KIAA0930: variants seen among roughly 807,000 people sequenced by gnomAD.
KIAA0930 encodes uncharacterized protein KIAA0930.
KIAA0930 carries 24 observed loss-of-function variants against 43.9 expected under a neutral mutation model. That is an observed-to-expected ratio of 0.55 (90% CI 0.40 to 0.77). KIAA0930 has a LOEUF of 0.77. Among genes scored for constraint, KIAA0930 ranks in the 30% least tolerant of loss-of-function variants. The probability of loss-of-function intolerance (pLI) is 0.00; values close to 1 mark genes in which losing one functional copy is unlikely to be tolerated. For synonymous variants in KIAA0930, 259 were observed against 216.4 expected (o/e 1.20, Z -1.73); for missense variants, 461 against 574.2 (o/e 0.80, Z 2.02).
chr22:45,212,464 C>T (rs985981948), intron 1 of KIAA0930: 90 of 1,452,760 alleles, frequency 6.2e-5, no homozygotes, highest in Middle Eastern at 5.0e-4. Flanking sequence ...GGCTGGAAGC[C>T]GGGAAGGCTT....
chr22:45,210,879 A>G (rs1027232081), intron 2 of KIAA0930, among the ~76,000 whole-genome samples: 1 of 111,136 alleles, frequency 9.0e-6, no homozygotes, highest in African/African-American at 3.6e-5. Flanking sequence ...ACCGAATCCA[A>G]TGGGCCCTTC....
At chr22:45,234,662 G>A (rs192178571) in intron 1 of KIAA0930, among the ~76,000 whole-genome samples, 27 of 152,314 alleles carry the variant, frequency 1.8e-4, no homozygotes, top group Admixed American at 2.6e-4. Flanking sequence ...ACCTTTGCAC[G>A]TATAAAAAGC....
chr22:45,205,187 CT>C, intron 5 of KIAA0930, 29 bp downstream of exon 5: 1 of 1,553,448 alleles, frequency 6.4e-7, no homozygotes, highest in Non-Finnish European at 8.9e-7. Flanking sequence ...GAAGGGGAAG[CT>C]AAGGAGAGAG....
intron 2 of KIAA0930, among the ~76,000 whole-genome samples, chr22:45,206,677 C>G (rs2083640898): frequency 6.6e-6 from 1 of 150,574 alleles, no homozygotes. Context: ...CATGTCTACA[C>G]CTCTCCTGGG....
chr22:45,224,575 C>T (rs1045392940), intron 1 of KIAA0930, among the ~76,000 whole-genome samples: 8 of 152,190 alleles, frequency 5.3e-5, no homozygotes, highest in East Asian at 1.9e-4. Context: ...TGGTCTCATG[C>T]GGTCCCTGCT....
At chr22:45,198,061 C>T (rs2083553551) in intron 8 of KIAA0930, 113 bp from the exon 9 acceptor site, 3 of 1,020,086 alleles carry the variant, frequency 2.9e-6, no homozygotes, top group East Asian at 4.9e-5. Context: ...CCAGGACGCT[C>T]CTTACCAACA....
At chr22:45,203,350 C>G (rs1229555148) in intron 6 of KIAA0930, among the ~76,000 whole-genome samples, 166 bp from the exon 7 acceptor site, 3 of 152,184 alleles carry the variant, frequency 2.0e-5, no homozygotes, top group East Asian at 3.9e-4. Flanking sequence ...ACCCACATCT[C>G]TGCCTGGTGC....
intron 1 of KIAA0930, among the ~76,000 whole-genome samples, chr22:45,239,303 C>A (rs1415583885): frequency 6.6e-6 from 1 of 152,220 alleles, no homozygotes; most frequent in Non-Finnish European, 1.5e-5. Flanking sequence ...AGTAGGTGCT[C>A]AATGAATGTT....
intron 1 of KIAA0930, among the ~76,000 whole-genome samples, chr22:45,222,550 C>A (rs2083773497): frequency 6.6e-6 from 1 of 152,116 alleles, no homozygotes; most frequent in African/African-American, 2.4e-5. Context: ...CTCAAGCAAT[C>A]CGCTTGCCTT....
intron 1 of KIAA0930, among the ~76,000 whole-genome samples, chr22:45,234,019 G>C (rs957331654): frequency 2.0e-5 from 3 of 152,242 alleles, no homozygotes; most frequent in South Asian, 2.1e-4. Flanking sequence ...CTTAGCGGGA[G>C]AGCCTGGACT....
At chr22:45,228,799 C>T (rs1173367696) in intron 1 of KIAA0930, among the ~76,000 whole-genome samples, 1 of 95,182 alleles carries the variant, frequency 1.1e-5, no homozygotes. Context: ...AAACACTCAC[C>T]TGAGAGATCC....
chr22:45,212,713 G>T (rs998967833), intron 1 of KIAA0930, among the ~76,000 whole-genome samples: 2 of 152,250 alleles, frequency 1.3e-5, no homozygotes, highest in African/African-American at 4.8e-5. Context: ...ATTACAAATG[G>T]TATTTCTTTA....
chr22:45,207,366 G>A (rs775415522), intron 2 of KIAA0930, among the ~76,000 whole-genome samples: 3 of 146,134 alleles, frequency 2.1e-5, no homozygotes, highest in Admixed American at 6.9e-5. Context: ...TTTGTCACCC[G>A]GGCTGGAGTA....
At position 45,197,081 on chromosome 22, in the gene KIAA0930, G is replaced by A. The variant is rs1267107641; in HGVS notation, c.*95C>T. On this transcript the variant is annotated 3_prime_UTR_variant, in exon 10 of 10. Coordinates refer to ENST00000336156, the MANE Select transcript of KIAA0930 (RefSeq NM_001009880.2). ...CTGGCTGCGGCTCCAGCACTGGCGT[G>A]CCATCGCAGACCCCGGTGGCGGTGG... 3 of 1,081,550 alleles carry A rather than the reference G, an allele frequency of 2.8e-6. No individual in the cohort carries two copies. The highest frequency in any genetic ancestry group is 3.9e-6 in the Non-Finnish European group (3 of 777,644). The allele number at this position is 1,081,550 out of a possible 1,614,324, so 67.0% of individuals were successfully genotyped here. A position where few individuals can be genotyped will look rare whatever the true frequency, so the allele number is the denominator to read the frequency against.
At chr22:45,225,457 C>T (rs976297597) in intron 1 of KIAA0930, among the ~76,000 whole-genome samples, 1 of 152,202 alleles carries the variant, frequency 6.6e-6, no homozygotes, top group Non-Finnish European at 1.5e-5. Flanking sequence ...GAAGTCCAGG[C>T]TCCCTTACCA....
At position 45,194,791 on chromosome 22, in the gene KIAA0930, G is replaced by A. The variant is rs41278907; in HGVS notation, c.*2385C>T. On this transcript the variant is annotated 3_prime_UTR_variant, in exon 10 of 10. Transcript: ENST00000336156. ...GGGCCTGAGAAAGGCAGACTCCACC[G>A]AGTGTCTGTCCATCTGTCCGGACAG... 8 of 152,226 alleles carry A rather than the reference G, an allele frequency of 5.3e-5. No homozygotes were observed. Among genetic ancestry groups the A allele is most frequent in the African/African-American group, 1.7e-4 (7 of 41,452 alleles). 9.4% of individuals were successfully genotyped at this position (152,226 alleles called of 1,614,324 possible).
rs994441857 is a variant in KIAA0930 at position 45,237,989 on chromosome 22, C to T, written c.64+2651G>A. 1.1e-4 allele frequency among the ~76,000 whole-genome samples: 16 copies of T among 151,472 alleles called. No individual in the cohort carries two copies. In the South Asian group the frequency reaches 1.5e-3, roughly 14 times the overall value. ...AGGCTGGAGTGCAGTGGCGTGATCT[C>T]GGCTCACTGCAACCTCCGCCTCCCG... On this transcript the variant is annotated intron_variant, in intron 1 of 9. Coordinates refer to ENST00000336156, the MANE Select transcript of KIAA0930 (RefSeq NM_001009880.2).
Position 45,238,793 on chromosome 22 carries a change from G to A in KIAA0930, c.64+1847C>T, listed in dbSNP as rs374879939. 3.3e-5 allele frequency among the ~76,000 whole-genome samples: 5 copies of A among 152,142 alleles called. No homozygotes were observed. In the South Asian group the frequency reaches 1.0e-3, roughly 32 times the overall value. ...GGCTGGGGATATTCAGGGAGTGGAG[G>A]GCAGGCTCTGAGGTCAGGCTGGCAG... On this transcript the variant is annotated intron_variant, in intron 1 of 9. Transcript: ENST00000336156.
intron 2 of KIAA0930, among the ~76,000 whole-genome samples, chr22:45,209,679 CGTCT>C (rs1318320668): frequency 2.6e-5 from 4 of 152,230 alleles, no homozygotes; most frequent in Non-Finnish European, 5.9e-5. Flanking sequence ...CTGGCCATAC[CGTCT>C]GTCTATCCAA....
Sources: allele counts gnomAD v4.1 joint callset (sites outside exome capture counted in the v4.1 genomes callset), GRCh38; gene constraint gnomAD v4.1.1; transcripts MANE v1.5; gene names NCBI Gene and HGNC (gene_info 2026-07-23, HGNC 2026-07-21).